The following SLC17A1 variants were observed in gnomAD, a reference collection of about 807,000 sequenced individuals.
The protein encoded by SLC17A1 is sodium-dependent phosphate transport protein 1.
In SLC17A1, 51 loss-of-function variants were observed where a neutral mutation model predicts 53.5. The ratio of observed to expected loss-of-function variants is 0.95; its 90% confidence interval spans 0.76 to 1.20. The LOEUF (loss-of-function observed/expected upper bound fraction) is 1.20, where lower values mean the gene tolerates loss of function less well. Among genes scored for constraint, SLC17A1 ranks in the 50% most tolerant of loss-of-function variants. The pLI is 0.00. For missense variants in SLC17A1, 538 were observed against 568.2 expected (o/e 0.95, Z 0.54); for synonymous variants, 179 against 198.8 (o/e 0.90, Z 0.84).
rs376055863 is a variant in SLC17A1, at chr6:25,811,671, C to A, written c.997G>T (p.Val333Leu). Residue 333 changes from valine to leucine, a missense_variant, in exon 9 of 13, where the codon GTA becomes TTA. Physicochemically the swap from Val to Leu is conservative, Grantham distance 32. Transcript: ENST00000244527. ...DFFLTRNILS[V>L]IAVRKLFTAA... The stretch of plus-strand genomic sequence containing the variant: ...GTGAAGAGTTTCCGGACAGCAATTA[C>A]GCTGAGAATATTCCTGGTCAGGAAG... 3 of 1,613,926 alleles carry A rather than the reference C, an allele frequency of 1.9e-6. No individual in the cohort carries two copies. The highest frequency in any genetic ancestry group is 2.5e-6 in the Non-Finnish European group (3 of 1,179,870).
chr6:25,737,736 C>T, the SLC17A1 span, among the ~76,000 whole-genome samples: 3 of 152,092 alleles, frequency 2.0e-5, no homozygotes, highest in East Asian at 3.9e-4. Flanking sequence ...TGACAGTTTC[C>T]CCCTTTCAAA....
In SLC17A1 at chr6:25,812,945, C is replaced by T. The variant is rs758890788; in HGVS notation, c.783G>A (p.Ser261=). 41 of 1,613,960 alleles carry T rather than the reference C, an allele frequency of 2.5e-5. No homozygotes were observed. The highest frequency in any genetic ancestry group is 1.7e-5 in the Admixed American group (1 of 60,004). Residue 261 remains serine (S), a synonymous_variant, in exon 8 of 13, where the codon TCG becomes TCA. Transcript: ENST00000244527. The stretch of plus-strand genomic sequence containing the variant: ...CAGTGGAAATAGCCCAGACTGGAAG[C>T]GACTTAAGTATAGCCTTGATAGGCA... ...QSLPIKAILK[S]LPVWAISTGS...
At chr6:25,819,271 A>G (rs1411049578) in intron 5 of SLC17A1, 117 bp from the exon 6 acceptor site, 1 of 723,868 alleles carries the variant, frequency 1.4e-6, no homozygotes, top group East Asian at 2.7e-5. Flanking sequence ...GTATCATAAC[A>G]CAAACATCAG....
At chr6:25,761,489 C>T in the SLC17A1 span, among the ~76,000 whole-genome samples, 1 of 152,160 alleles carries the variant, frequency 6.6e-6, no homozygotes, top group Admixed American at 6.5e-5. Flanking sequence ...ACTGTCTTTG[C>T]AGCTACGTAA....
At chr6:25,824,419 T>A (rs1445827177) in intron 3 of SLC17A1, among the ~76,000 whole-genome samples, 3 of 151,686 alleles carry the variant, frequency 2.0e-5, no homozygotes, top group Admixed American at 6.6e-5. Flanking sequence ...AAACAAAAAA[T>A]TTAAAAAAGA....
chr6:25,761,093 G>GT, the SLC17A1 span, among the ~76,000 whole-genome samples: 2 of 152,132 alleles, frequency 1.3e-5, no homozygotes, highest in Admixed American at 1.3e-4. Context: ...TCTTTGGTCA[G>GT]TTTTTTAGCT....
chr6:25,811,866 T>C lies in SLC17A1; in HGVS notation c.898-96A>G. ...ATGCTAAAATTTATTATCTAAAATG[T>C]GTACTTTCATATAGGAAATCATCAA... is the stretch of plus-strand genomic sequence containing the variant. On this transcript the variant is annotated intron_variant, in intron 8 of 12. Transcript: ENST00000244527. The C allele has an allele frequency of 2.3e-6, 3 of 1,305,514 alleles. No homozygotes were observed. In the Admixed American group the frequency reaches 5.7e-5, roughly 25 times the overall value. The allele number at this position is 1,305,514 out of a possible 1,614,324, so 80.9% of individuals were successfully genotyped here.
the SLC17A1 span, among the ~76,000 whole-genome samples, chr6:25,734,601 T>C: frequency 2.0e-5 from 3 of 152,204 alleles, no homozygotes; most frequent in Admixed American, 2.0e-4. Context: ...ATATGAGCAA[T>C]CAACTCTGGT....
chr6:25,727,399 GTTTTTTTT>G, the SLC17A1 span: 1 of 652,800 alleles, frequency 1.5e-6, no homozygotes, highest in Non-Finnish European at 2.3e-6. Flanking sequence ...AACCGTAAGG[GTTTTTTTT>G]TTTTTTGAGG....
In SLC17A1 at chr6:25,783,814, AC is replaced by A. The variant is rs142303138; in HGVS notation, c.*3-597del. Among the ~76,000 whole-genome samples, 1,014 of 145,060 alleles carry A rather than the reference AC, an allele frequency of 7.0e-3. 11 individuals are homozygous for A. Among genetic ancestry groups the A allele is most frequent in the Non-Finnish European group, 0.012 (804 of 66,178 alleles). On this transcript the variant is annotated intron_variant, in intron 12 of 12. Transcript: ENST00000244527. ...CACACACTCTTTTTTTTTTTTTTGGACCCTACCCAAAAGTGTCACTAGTCCT... is the reference window on the plus strand; with the variant it reads ...CACACACTCTTTTTTTTTTTTTTGGACCTACCCAAAAGTGTCACTAGTCCT...
chr6:25,819,810 A>G lies in SLC17A1; in HGVS notation c.313T>C (p.Tyr105His), dbSNP rs1764487320. The G allele has an allele frequency of 1.2e-6, 2 of 1,614,188 alleles. No individual in the cohort carries two copies. Among genetic ancestry groups the G allele is most frequent in the Non-Finnish European group, 8.5e-7 (1 of 1,180,000 alleles). The change falls in exon 4 of 13, where the codon TAT (tyrosine) becomes CAT (histidine). Residue 105 changes from tyrosine (Y) to histidine (H), a missense_variant. By Grantham distance (83) the Tyr-to-His change is moderately conservative. Transcript: ENST00000244527. ...QVPVGYFSGI[Y>H]STKKMIGFAL... The stretch of plus-strand genomic sequence containing the variant: ...AAGCCAATCATTTTCTTTGTAGAAT[A>G]TATTCCAGAGAAGTATCCAACAGGA...
intron 12 of SLC17A1, among the ~76,000 whole-genome samples, chr6:25,783,991 T>G (rs1763325034): frequency 1.3e-5 from 1 of 77,118 alleles, no homozygotes; most frequent in African/African-American, 3.3e-5. Flanking sequence ...GTGGCCAAGG[T>G]TCTAAACTGG....
the SLC17A1 span, among the ~76,000 whole-genome samples, chr6:25,750,277 A>G: frequency 2.0e-5 from 3 of 152,208 alleles, no homozygotes; most frequent in Non-Finnish European, 4.4e-5. Context: ...TATTGAGCTT[A>G]TTATTTTTGG....
the SLC17A1 span, among the ~76,000 whole-genome samples, chr6:25,737,079 T>C: frequency 6.6e-6 from 1 of 152,228 alleles, no homozygotes; most frequent in Non-Finnish European, 1.5e-5. Context: ...AAACCACCTT[T>C]GTAAAACTAA....
At chr6:25,801,656 G>A (rs1299738399) in intron 10 of SLC17A1, among the ~76,000 whole-genome samples, 1 of 152,190 alleles carries the variant, frequency 6.6e-6, no homozygotes, top group Non-Finnish European at 1.5e-5. Context: ...TTAAAGTTCA[G>A]TGTGTTCAAG....
At chr6:25,749,747 A>G in the SLC17A1 span, among the ~76,000 whole-genome samples, 1 of 151,994 alleles carries the variant, frequency 6.6e-6, no homozygotes, top group Non-Finnish European at 1.5e-5. Context: ...CCTTCTTCAT[A>G]CTTCTTGGCT....
At chr6:25,738,398 A>C in the SLC17A1 span, among the ~76,000 whole-genome samples, 1 of 152,204 alleles carries the variant, frequency 6.6e-6, no homozygotes, top group Non-Finnish European at 1.5e-5. Context: ...ACCTTGCCTA[A>C]AATTAACTCA....
At chr6:25,798,690 C>A in intron 12 of SLC17A1, 93 bp downstream of exon 12, 1 of 1,206,308 alleles carries the variant, frequency 8.3e-7, no homozygotes, top group Non-Finnish European at 1.1e-6. Context: ...AACCTGCACC[C>A]GTTATTCCTT....
the SLC17A1 span, among the ~76,000 whole-genome samples, chr6:25,755,048 T>TACAC: frequency 0.043 from 6,194 of 144,992 alleles, 296 homozygotes; most frequent in African/African-American, 0.12. Flanking sequence ...CACACACACA[T>TACAC]ACACACACAC....
Sources: allele counts gnomAD v4.1 joint callset (sites outside exome capture counted in the v4.1 genomes callset), GRCh38; gene constraint gnomAD v4.1.1; transcripts MANE v1.5; gene names NCBI Gene and HGNC (gene_info 2026-07-23, HGNC 2026-07-21).